The following MTF1 variants were observed in gnomAD, a reference collection of about 807,000 sequenced individuals.
The protein encoded by MTF1 is metal regulatory transcription factor 1.
Under a neutral mutation model 70.4 loss-of-function variants are expected in MTF1, and 22 were observed. The ratio of observed to expected loss-of-function variants is 0.31; its 90% confidence interval spans 0.22 to 0.45. The LOEUF (loss-of-function observed/expected upper bound fraction) is 0.45. Ranked by LOEUF, MTF1 falls within the 20% of genes least tolerant of loss-of-function variation. The pLI, the probability that MTF1 is intolerant of heterozygous loss-of-function variation, is 1.00. For synonymous variants in MTF1, 333 were observed against 352.8 expected (o/e 0.94, Z 0.63); for missense variants, 649 against 922.0 (o/e 0.70, Z 3.83).
chr1:37,839,884 G>C, intron 3 of MTF1, 36 bp downstream of exon 3: 1 of 1,545,486 alleles, frequency 6.5e-7, no homozygotes, highest in Non-Finnish European at 8.9e-7. Context: ...CAAGGTCAAG[G>C]TCAGAGGCTG....
At chr1:37,838,244 T>C (rs1025780719) in intron 4 of MTF1, among the ~76,000 whole-genome samples, 3 of 152,220 alleles carry the variant, frequency 2.0e-5, no homozygotes, top group Non-Finnish European at 4.4e-5. Flanking sequence ...TTTGGCCATC[T>C]TGCAGCCTCA....
rs1640923250 is a variant in MTF1, at chr1:37,822,360, C to T, written c.1528G>A (p.Ala510Thr). The change falls in exon 9 of 11, where the codon GCG (alanine) becomes ACG (threonine). Residue 510 changes from alanine (A) to threonine (T), a missense_variant. Physicochemically the swap from Ala to Thr is moderately conservative, Grantham distance 58 (BLOSUM62 0). Coordinates refer to ENST00000373036, the MANE Select transcript of MTF1 (RefSeq NM_005955.3). ...SVVAGASASA[A>T]AVASAVAAPA... Reference sequence around the variant, plus strand: ...GCTGCCACAGCTGATGCCACTGCCGCTGCTGATGCAGAAGCCCCAGCAACA... The same window carrying T: ...GCTGCCACAGCTGATGCCACTGCCGTTGCTGATGCAGAAGCCCCAGCAACA... 1 of 1,613,320 alleles carries T rather than the reference C, an allele frequency of 6.2e-7. No homozygotes were observed. Among genetic ancestry groups the T allele is most frequent in the East Asian group, 2.2e-5 (1 of 44,860 alleles).
At chr1:37,832,193 T>C in intron 7 of MTF1, 52 bp downstream of exon 7, 3 of 1,185,134 alleles carry the variant, frequency 2.5e-6, no homozygotes, top group African/African-American at 3.0e-5. Flanking sequence ...CCAAAGGGAG[T>C]GCTTAATTCT....
rs1464810305 is a variant in MTF1 at position 37,815,294 on chromosome 1, C to T, written c.2104G>A (p.Glu702Lys). 1 of 1,614,132 alleles carries T rather than the reference C, an allele frequency of 6.2e-7. No individual in the cohort carries two copies. Among genetic ancestry groups the T allele is most frequent in the East Asian group, 2.2e-5 (1 of 44,866 alleles). The change falls in exon 11 of 11, where the codon GAG (glutamate) becomes AAG (lysine). Residue 702 changes from glutamate (E) to lysine (K), a missense_variant. This residue lies in a region of MTF1 where 138 missense variants were observed against 134.4 expected (regional missense o/e 1.03). Coordinates refer to ENST00000373036, the MANE Select transcript of MTF1 (RefSeq NM_005955.3). This position sits in a 1 kb window ranked among gnomAD's most constrained non-coding sequence, Gnocchi z 4.5. Reference sequence around the variant, plus strand: ...TCTGTCTGAGGGTCTGAAGGAGTCTCTGCTTGTCGGCTTTGCTCACAGGAG... The same window carrying T: ...TCTGTCTGAGGGTCTGAAGGAGTCTTTGCTTGTCGGCTTTGCTCACAGGAG... ...PSSCEQSRQA[E>K]TPSDPQTETL...
chr1:37,823,824 A>G lies in MTF1; in HGVS notation c.1069-12T>C, dbSNP rs892465967. On this transcript the variant is annotated splice_polypyrimidine_tract_variant and intron_variant, in intron 7 of 10. Transcript: ENST00000373036. ...TCCTGGCCCTGGGTCTGATGGAGAG[A>G]GACAAAGATGTGAGATTGGCCATCT... 1.9e-6 allele frequency: 3 copies of G among 1,602,098 alleles called. No individual in the cohort carries two copies. Among genetic ancestry groups the G allele is most frequent in the Non-Finnish European group, 2.6e-6 (3 of 1,169,452 alleles).
chr1:37,838,830 G>GTTTTTTTTTT (rs1641212906), intron 3 of MTF1, 74 bp from the exon 4 acceptor site: 1 of 761,224 alleles, frequency 1.3e-6, no homozygotes, highest in African/African-American at 2.4e-5. Flanking sequence ...CTGAGACAGA[G>GTTTTTTTTTT]TTTCGCTCTT....
chr1:37,838,319 T>A (rs1002875429), intron 4 of MTF1, among the ~76,000 whole-genome samples: 6 of 152,352 alleles, frequency 3.9e-5, no homozygotes, highest in African/African-American at 1.4e-4. Context: ...AAGGCCTGCT[T>A]CGGAGTATTT....
Position 37,857,686 on chromosome 1 carries a change from A to G in MTF1, c.-28T>C, listed in dbSNP as rs1283829253. ...TTCAGTTGTGCTCAGCCCAGTTGTG[A>G]GAAATGAAAACGTAATGACTTGTCT... On this transcript the variant is annotated 5_prime_UTR_variant, in exon 2 of 11. Coordinates refer to ENST00000373036, the MANE Select transcript of MTF1 (RefSeq NM_005955.3). The G allele has an allele frequency of 1.9e-6, 3 of 1,603,708 alleles. No homozygotes were observed. The highest frequency in any genetic ancestry group is 1.1e-5 in the South Asian group (1 of 90,028).
intron 1 of MTF1, among the ~76,000 whole-genome samples, chr1:37,858,239 A>C (rs918519655): frequency 1.3e-4 from 20 of 152,336 alleles, no homozygotes; most frequent in Admixed American, 4.6e-4. Context: ...ACCACGAGGC[A>C]GTAAATGGTT....
At chr1:37,842,717 A>G (rs3901086) in intron 2 of MTF1, among the ~76,000 whole-genome samples, 14,550 of 152,262 alleles carry the variant, frequency 0.096, 868 homozygotes, top group Middle Eastern at 0.24. Flanking sequence ...CTTTTGTTCA[A>G]CATAATTTTT....
chr1:37,818,806 A>AAC (rs1640862751), intron 9 of MTF1, among the ~76,000 whole-genome samples: 1 of 151,574 alleles, frequency 6.6e-6, no homozygotes, highest in Admixed American at 6.6e-5. Flanking sequence ...CATCCTGGCT[A>AAC]ATACGGTGAA....
rs569380059 is a variant in MTF1, at chr1:37,837,023, G to A, written c.780-1279C>T. Among the ~76,000 whole-genome samples, 17 of 152,124 alleles carry A rather than the reference G, an allele frequency of 1.1e-4. No homozygotes were observed. In the South Asian group the frequency reaches 2.9e-3, roughly 26 times the overall value. ...CAATCTAACTACTCTTGCCCTTAAA[G>A]GGATCATGACTCAGGAATGCATCTG... is the stretch of plus-strand genomic sequence containing the variant. On this transcript the variant is annotated intron_variant, in intron 4 of 10. Transcript: ENST00000373036.
Position 37,815,475 on chromosome 1 carries a change from A to G in MTF1, c.1923T>C (p.Ser641=). The part of the protein sequence containing the change: ...ACQCQCACRD[S]AKERASSRRK... ...TCCTGCTGGATGCCCGCTCCTTTGCAGAGTCCCGGCATGCACACTGACACT... is the reference window on the plus strand; with the variant it reads ...TCCTGCTGGATGCCCGCTCCTTTGCGGAGTCCCGGCATGCACACTGACACT... The change falls in exon 11 of 11, where the codon TCT becomes TCC. Residue 641 remains serine (S), a synonymous_variant. Coordinates refer to ENST00000373036, the MANE Select transcript of MTF1 (RefSeq NM_005955.3). The surrounding 1 kb of genome is among the most constrained non-coding windows in gnomAD (Gnocchi z 4.5). 1 of 1,598,342 alleles carries G rather than the reference A, an allele frequency of 6.3e-7. No homozygotes were observed. Among genetic ancestry groups the G allele is most frequent in the Non-Finnish European group, 8.5e-7 (1 of 1,172,066 alleles).
chr1:37,856,214 C>G lies in MTF1; in HGVS notation c.408+1037G>C, dbSNP rs560902032. On this transcript the variant is annotated intron_variant, in intron 2 of 10. Transcript: ENST00000373036. ...TTTTTTTGAGACTGAGTCTCTCTCT[C>G]TCATCCAGCCTGGAGTGCAGTGGCA... Among the ~76,000 whole-genome samples the G allele has an allele frequency of 1.3e-4, 15 of 118,574 alleles. No homozygotes were observed. In the East Asian group the frequency reaches 4.1e-3, roughly 32 times the overall value. The allele number at this position is 118,574 out of a possible 152,430, so 77.8% of individuals were successfully genotyped here. A position where few individuals can be genotyped will look rare whatever the true frequency, so the allele number is the denominator to read the frequency against.
At chr1:37,855,006 C>A (rs773192456) in intron 2 of MTF1, among the ~76,000 whole-genome samples, 1 of 152,114 alleles carries the variant, frequency 6.6e-6, no homozygotes, top group Non-Finnish European at 1.5e-5. Flanking sequence ...TTGCAGTGAG[C>A]CGGGATCACG....
intron 2 of MTF1, among the ~76,000 whole-genome samples, chr1:37,843,975 AG>A (rs1375450229): frequency 6.6e-6 from 1 of 151,974 alleles, no homozygotes; most frequent in Non-Finnish European, 1.5e-5. Context: ...ACACAGAAGA[AG>A]CTCCATAAAT....
intron 2 of MTF1, among the ~76,000 whole-genome samples, chr1:37,844,102 T>C (rs1279199269): frequency 6.6e-6 from 1 of 152,240 alleles, no homozygotes; most frequent in African/African-American, 2.4e-5. Context: ...TTTCCACACA[T>C]TCCATCTCTC....
intron 2 of MTF1, among the ~76,000 whole-genome samples, chr1:37,849,594 G>C (rs1371914630): frequency 6.6e-6 from 1 of 152,124 alleles, no homozygotes; most frequent in African/African-American, 2.4e-5. Flanking sequence ...AAACTGGCAA[G>C]GTCAGTTAGC....
intron 2 of MTF1, among the ~76,000 whole-genome samples, chr1:37,848,633 T>C (rs1423694140): frequency 6.6e-6 from 1 of 152,142 alleles, no homozygotes; most frequent in Non-Finnish European, 1.5e-5. Flanking sequence ...ACAAAACCAG[T>C]CTAGTCCCTT....
Sources: gnomAD v4.1 joint callset for allele counts (sites outside exome capture counted in the v4.1 genomes callset) on GRCh38, gnomAD v4.1.1 for gene constraint, gnomAD v4.1.1 regional missense constraint, Gnocchi (gnomAD v3.1) non-coding constraint, MANE v1.5 for transcripts, NCBI Gene and HGNC (gene_info 2026-07-23, HGNC 2026-07-21) for gene names.